Variants in SLC30A8 observed in about 807,000 individuals in gnomAD.
SLC30A8 encodes proton-coupled zinc antiporter SLC30A8.
A neutral mutation model predicts 36.9 loss-of-function variants in SLC30A8; 27 were observed. The observed-to-expected ratio is 0.73, with a 90% CI of 0.54 to 1.01. The LOEUF (loss-of-function observed/expected upper bound fraction) is 1.01. SLC30A8 is among the 50% of genes least tolerant of loss of function. The pLI is 0.00. For missense variants in SLC30A8, 439 were observed against 452.0 expected (o/e 0.97, Z 0.26); for synonymous variants, 164 against 172.4 (o/e 0.95, Z 0.38).
intron 1 of SLC30A8, among the ~76,000 whole-genome samples, chr8:116,997,284 C>T (rs1815854350): frequency 6.6e-6 from 1 of 151,868 alleles, no homozygotes; most frequent in Admixed American, 6.6e-5. Context: ...AGATGGGAGC[C>T]CAGAGCACAC....
chr8:117,016,113 A>G (rs1362601612), intron 1 of SLC30A8, among the ~76,000 whole-genome samples: 1 of 152,178 alleles, frequency 6.6e-6, no homozygotes, highest in Non-Finnish European at 1.5e-5. Context: ...GAGGTCACCT[A>G]GGCTGTCTGT....
chr8:117,032,271 C>CT (rs1817079087), intron 1 of SLC30A8, among the ~76,000 whole-genome samples: 3 of 151,988 alleles, frequency 2.0e-5, no homozygotes, highest in Non-Finnish European at 4.4e-5. Flanking sequence ...TGATTATTTG[C>CT]TTATCATCTG....
intron 1 of SLC30A8, among the ~76,000 whole-genome samples, chr8:117,038,458 C>CT (rs1817283514): frequency 6.6e-6 from 1 of 152,054 alleles, no homozygotes; most frequent in Non-Finnish European, 1.5e-5. Flanking sequence ...GAGATGGTTT[C>CT]TTTTTTATTT....
At chr8:117,120,912 C>T (rs1486719013) in intron 2 of SLC30A8, among the ~76,000 whole-genome samples, 1 of 151,708 alleles carries the variant, frequency 6.6e-6, no homozygotes, top group Non-Finnish European at 1.5e-5. Context: ...CAGAAAAATG[C>T]ACCTGAAAAG....
At chr8:117,152,648 T>C (rs189295555) in intron 2 of SLC30A8, among the ~76,000 whole-genome samples, 77 of 152,182 alleles carry the variant, frequency 5.1e-4, no homozygotes, top group African/African-American at 1.8e-3. Flanking sequence ...TTCTCCTCTT[T>C]TGAATCCTTA....
chr8:116,977,510 CTTTT>C (rs71305452), intron 1 of SLC30A8, among the ~76,000 whole-genome samples: 4 of 116,398 alleles, frequency 3.4e-5, no homozygotes, highest in Non-Finnish European at 3.5e-5. Context: ...TACTTTACCA[CTTTT>C]TTTTTTTTTT....
intron 4 of SLC30A8, among the ~76,000 whole-genome samples, chr8:117,160,793 T>A (rs1287224855): frequency 1.3e-5 from 2 of 152,246 alleles, no homozygotes; most frequent in Non-Finnish European, 2.9e-5. Context: ...AGTGATCAGA[T>A]CTAGATGGCT....
intron 2 of SLC30A8, among the ~76,000 whole-genome samples, chr8:117,121,617 A>G (rs1290573030): frequency 1.3e-5 from 2 of 151,936 alleles, no homozygotes; most frequent in African/African-American, 4.8e-5. Flanking sequence ...TCCTAATACT[A>G]TCGCATTGGT....
chr8:117,038,641 G>T (rs1274009056), intron 1 of SLC30A8, among the ~76,000 whole-genome samples: 1 of 152,188 alleles, frequency 6.6e-6, no homozygotes, highest in African/African-American at 2.4e-5. Context: ...AAAATCACTA[G>T]AGGTGGAAGT....
chr8:117,107,908 A>C (rs1361655276), intron 2 of SLC30A8, among the ~76,000 whole-genome samples: 1 of 152,130 alleles, frequency 6.6e-6, no homozygotes, highest in East Asian at 1.9e-4. Flanking sequence ...AATCAATCCA[A>C]ATGGCCTCTC....
chr8:117,131,164 G>A (rs929174165), upstream of SLC30A8, among the ~76,000 whole-genome samples: 3 of 151,896 alleles, frequency 2.0e-5, no homozygotes, highest in South Asian at 4.1e-4. Context: ...TTTTCAAGCA[G>A]TGTATAAAAT....
chr8:117,032,365 TTAA>T (rs1323664933), intron 1 of SLC30A8, among the ~76,000 whole-genome samples: 1 of 152,196 alleles, frequency 6.6e-6, no homozygotes, highest in Non-Finnish European at 1.5e-5. Context: ...CAGCAGGCAG[TTAA>T]TAAGTTTTTG....
At chr8:117,008,909 A>G (rs1816259952) in intron 1 of SLC30A8, among the ~76,000 whole-genome samples, 2 of 152,152 alleles carry the variant, frequency 1.3e-5, no homozygotes, top group South Asian at 4.1e-4. Context: ...GTAGGCCCAC[A>G]TCCGGAGTGT....
intron 1 of SLC30A8, among the ~76,000 whole-genome samples, chr8:116,958,749 T>C (rs949403260): frequency 3.3e-5 from 5 of 152,146 alleles, no homozygotes; most frequent in African/African-American, 4.8e-5. Flanking sequence ...ACTTTAAGTA[T>C]TTTTTTCTTT....
intron 2 of SLC30A8, among the ~76,000 whole-genome samples, chr8:117,087,374 C>G (rs1818918722): frequency 6.6e-6 from 1 of 152,164 alleles, no homozygotes; most frequent in African/African-American, 2.4e-5. Context: ...ATTAGGAAAG[C>G]ACATTTAATC....
chr8:117,066,374 A>G (rs1171996132), intron 2 of SLC30A8, among the ~76,000 whole-genome samples: 2 of 152,192 alleles, frequency 1.3e-5, no homozygotes, highest in Non-Finnish European at 2.9e-5. Flanking sequence ...TTAGAGAGAA[A>G]GAAGTGGTGG....
intron 1 of SLC30A8, among the ~76,000 whole-genome samples, chr8:116,964,564 C>T (rs550370673): frequency 6.6e-6 from 1 of 152,340 alleles, no homozygotes; most frequent in Non-Finnish European, 1.5e-5. Flanking sequence ...TATGCAGCAC[C>T]TGCATCCTGG....
intron 1 of SLC30A8, among the ~76,000 whole-genome samples, chr8:117,001,647 C>T (rs1185377311): frequency 6.6e-6 from 1 of 151,952 alleles, no homozygotes; most frequent in Non-Finnish European, 1.5e-5. Flanking sequence ...TGAAACTGGG[C>T]TAAGATTGTA....
intron 2 of SLC30A8, among the ~76,000 whole-genome samples, chr8:117,087,253 C>T (rs1563586862): frequency 6.6e-6 from 1 of 152,112 alleles, no homozygotes; most frequent in Non-Finnish European, 1.5e-5. Flanking sequence ...AAAAGAGAAA[C>T]CATTTCATAG....
Sources: allele counts gnomAD v4.1 joint callset (sites outside exome capture counted in the v4.1 genomes callset), GRCh38; gene constraint gnomAD v4.1.1; transcripts MANE v1.5; gene names NCBI Gene and HGNC (gene_info 2026-07-23, HGNC 2026-07-21).